The following TNIP1 variants were observed in gnomAD, a reference collection of about 807,000 sequenced individuals.
TNIP1 encodes the protein TNFAIP3-interacting protein 1.
Under a neutral mutation model 86.6 loss-of-function variants are expected in TNIP1, and 22 were observed. The ratio of observed to expected loss-of-function variants is 0.25; its 90% CI spans 0.18 to 0.36. The LOEUF is 0.36. Among genes scored for constraint, TNIP1 ranks in the 10% least tolerant of loss-of-function variants. The pLI is 1.00. For missense variants in TNIP1, 709 were observed against 820.6 expected (o/e 0.86, Z 1.66); for synonymous variants, 294 against 313.0 (o/e 0.94, Z 0.64).
intron 12 of TNIP1, among the ~76,000 whole-genome samples, chr5:151,038,667 C>T (rs73270683): frequency 0.012 from 1,843 of 152,244 alleles, 42 homozygotes; most frequent in African/African-American, 0.042. Context: ...AGGGTATACA[C>T]CTTGGTGAAA....
intron 1 of TNIP1, among the ~76,000 whole-genome samples, chr5:151,067,301 C>T (rs1762351493): frequency 6.6e-6 from 1 of 152,264 alleles, no homozygotes; most frequent in Non-Finnish European, 1.5e-5. Flanking sequence ...GGTCCTTCCC[C>T]TCTGCTTGCC....
At chr5:151,070,970 T>TA (rs1762759323) in intron 1 of TNIP1, among the ~76,000 whole-genome samples, 2 of 148,028 alleles carry the variant, frequency 1.4e-5, no homozygotes, top group Non-Finnish European at 3.0e-5. Context: ...TCATCAACTG[T>TA]AAAAAATCTA....
intron 1 of TNIP1, among the ~76,000 whole-genome samples, chr5:151,069,061 C>T (rs892732965): frequency 2.0e-5 from 3 of 152,196 alleles, no homozygotes; most frequent in South Asian, 2.1e-4. Context: ...CCCAGACAGA[C>T]GGCAGGTCAG....
In TNIP1 at chr5:151,049,934, C is replaced by G. The variant is rs1176585301; in HGVS notation, c.736G>C (p.Glu246Gln). 3.1e-6 allele frequency: 5 copies of G among 1,614,144 alleles called. No individual in the cohort carries two copies. Among genetic ancestry groups the G allele is most frequent in the Non-Finnish European group, 4.2e-6 (5 of 1,180,010 alleles). The change falls in exon 8 of 18, where the codon GAG becomes CAG. Residue 246 changes from glutamate (E) to glutamine (Q), a missense_variant. Coordinates refer to ENST00000521591, the MANE Select transcript of TNIP1 (RefSeq NM_006058.5). ...TTGCTCATCAACAACTTCTTGAGCT[C>G]CAAATTTTCCTCCCTGGGATGGAGG... ...AAERLREENLELKKLLMSNGN... is the reference protein window; with the variant it reads ...AAERLREENLQLKKLLMSNGN...
chr5:151,066,429 C>T (rs1342649269), intron 1 of TNIP1, among the ~76,000 whole-genome samples: 1 of 152,174 alleles, frequency 6.6e-6, no homozygotes, highest in East Asian at 1.9e-4. Context: ...CCAAGGTCAC[C>T]ACCCCCAAGA....
At chr5:151,047,062 C>A (rs73270690) in intron 8 of TNIP1, among the ~76,000 whole-genome samples, 1 of 151,958 alleles carries the variant, frequency 6.6e-6, no homozygotes, top group South Asian at 2.1e-4. Flanking sequence ...CTAAGTTTCT[C>A]CTCAAAAATA....
intron 1 of TNIP1, among the ~76,000 whole-genome samples, chr5:151,072,184 C>T (rs190497911): frequency 1.3e-5 from 2 of 151,922 alleles, no homozygotes. Context: ...CTTTCCACTG[C>T]TCTACACTGC....
chr5:151,055,252 T>C (rs1170047052), intron 6 of TNIP1, among the ~76,000 whole-genome samples: 1 of 151,956 alleles, frequency 6.6e-6, no homozygotes, highest in African/African-American at 2.4e-5. Flanking sequence ...TAAGAAAAAA[T>C]GTATTAAATA....
At chr5:151,082,709 C>T (rs527408210), upstream of TNIP1, among the ~76,000 whole-genome samples, 1 of 152,284 alleles carries the variant, frequency 6.6e-6, no homozygotes, top group African/African-American at 2.4e-5. Flanking sequence ...TCAAAGTGTC[C>T]GCTGGGAATT....
In TNIP1 at chr5:151,063,706, G is replaced by T. The variant is rs372798011; in HGVS notation, c.178C>A (p.Arg60=). ...TTCACTAGCTCCTCTGCCTTCTGCC[G>T]GAGCCTGGTCGCTTCCATCTGGGAC... ...EESQMEATRL[R]QKAEELVKDN... is the part of the protein sequence containing the mutation. The change falls in exon 3 of 18, where the codon CGG becomes AGG. Residue 60 remains arginine (R), a synonymous_variant. Coordinates refer to ENST00000521591, the MANE Select transcript of TNIP1 (RefSeq NM_006058.5). The T allele has an allele frequency of 5.6e-6, 9 of 1,613,944 alleles. No homozygotes were observed. The highest frequency in any genetic ancestry group is 7.6e-6 in the Non-Finnish European group (9 of 1,180,006).
chr5:151,062,254 G>A (rs746518888), intron 3 of TNIP1, 42 bp from the exon 4 acceptor site: 1 of 1,579,506 alleles, frequency 6.3e-7, no homozygotes, highest in Non-Finnish European at 8.7e-7. Context: ...CTGGGAAGGG[G>A]AGAAGCCCAG....
intron 5 of TNIP1, among the ~76,000 whole-genome samples, chr5:151,059,828 AGTGTGTGTGT>A (rs760868810): frequency 3.1e-3 from 177 of 56,316 alleles, no homozygotes; most frequent in Middle Eastern, 0.011. Context: ...AGAGAGAGAG[AGTGTGTGTGT>A]GTGTGTGTGT....
chr5:151,053,849 A>AAAACT (rs1760299284), intron 6 of TNIP1, among the ~76,000 whole-genome samples: 1 of 152,252 alleles, frequency 6.6e-6, no homozygotes. Flanking sequence ...GGCGGGGAGT[A>AAAACT]AAACTCCAAT....
At chr5:151,060,136 A>G (rs1161090381) in intron 5 of TNIP1, among the ~76,000 whole-genome samples, 182 bp downstream of exon 5, 2 of 152,174 alleles carry the variant, frequency 1.3e-5, no homozygotes. Flanking sequence ...CGGGGAAGTC[A>G]CTAGCCCAGG....
intron 1 of TNIP1, among the ~76,000 whole-genome samples, chr5:151,071,318 A>G (rs1436841492): frequency 6.6e-6 from 1 of 152,112 alleles, no homozygotes; most frequent in Non-Finnish European, 1.5e-5. Flanking sequence ...ACAGAGTCTC[A>G]TATAGTAACA....
chr5:151,034,828 C>T (rs1011702334), intron 15 of TNIP1, 174 bp downstream of exon 15: 2 of 664,470 alleles, frequency 3.0e-6, no homozygotes, highest in Non-Finnish European at 5.3e-6. Context: ...ACAGCTAATA[C>T]ATTGTGGGCA....
intron 1 of TNIP1, among the ~76,000 whole-genome samples, chr5:151,079,770 A>G (rs985418333): frequency 6.6e-6 from 1 of 152,156 alleles, no homozygotes. Flanking sequence ...TTGTACTAAT[A>G]TTCTACCCTC....
At position 151,035,079 on chromosome 5, in the gene TNIP1, A is replaced by AG. The variant is rs774397775; in HGVS notation, c.1522-13dup. ...TTGAATGCTTTTAGCTGAGAGAAGA[A>AG]GGGAGGGAGAAAAGACTGTCGGCAC... On this transcript the variant is annotated splice_polypyrimidine_tract_variant and intron_variant, in intron 14 of 17. Transcript: ENST00000521591. 358 of 1,612,740 alleles carry AG rather than the reference A, an allele frequency of 2.2e-4. 1 individual carries two copies. Among genetic ancestry groups the AG allele is most frequent in the Middle Eastern group, 9.9e-4 (6 of 6,058 alleles).
At chr5:151,052,672 C>T (rs1760104317) in intron 6 of TNIP1, among the ~76,000 whole-genome samples, 1 of 152,272 alleles carries the variant, frequency 6.6e-6, no homozygotes, top group Non-Finnish European at 1.5e-5. Flanking sequence ...ATTAGGCTAA[C>T]TCCGTTATCC....
Sources: allele counts gnomAD v4.1 joint callset (sites outside exome capture counted in the v4.1 genomes callset), GRCh38; gene constraint gnomAD v4.1.1; transcripts MANE v1.5; gene names NCBI Gene and HGNC (gene_info 2026-07-23, HGNC 2026-07-21).